PAPPA: variants seen among roughly 807,000 people sequenced by gnomAD.
PAPPA encodes pappalysin 1, also known as pappalysin-1.
Under a neutral mutation model 164.0 loss-of-function variants are expected in PAPPA, and 60 were observed. The observed-to-expected ratio is 0.37, with a 90% CI of 0.30 to 0.45. PAPPA has a LOEUF of 0.45. Among genes scored for constraint, PAPPA ranks in the 20% least tolerant of loss-of-function variants. The pLI is 1.00. For synonymous variants in PAPPA, 875 were observed against 814.1 expected, an observed-to-expected ratio of 1.07 and a Z score of -1.27; for missense variants, 1,782 against 2,087.3, an observed-to-expected ratio of 0.85 and a Z score of 2.85.
chr9:116,391,462 C>T (rs1846892516), intron 21 of PAPPA, among the ~76,000 whole-genome samples: 1 of 152,208 alleles, frequency 6.6e-6, no homozygotes. Context: ...AACCGGCACC[C>T]CCACCATGCT....
At chr9:116,274,378 G>A (rs568026979) in intron 9 of PAPPA, among the ~76,000 whole-genome samples, 2 of 152,270 alleles carry the variant, frequency 1.3e-5, no homozygotes, top group South Asian at 2.1e-4. Context: ...AGGACAAATC[G>A]TGTAGCTGAA....
chr9:116,191,482 G>C (rs1456199057), intron 2 of PAPPA, among the ~76,000 whole-genome samples: 1 of 152,122 alleles, frequency 6.6e-6, no homozygotes, highest in Non-Finnish European at 1.5e-5. Flanking sequence ...CATTTATTGG[G>C]CATGTCTATC....
chr9:116,158,859 C>T (rs1843632196), intron 1 of PAPPA, among the ~76,000 whole-genome samples: 1 of 152,190 alleles, frequency 6.6e-6, no homozygotes, highest in Non-Finnish European at 1.5e-5. Flanking sequence ...GTTGAAATGA[C>T]TTGGTCTAAA....
At chr9:116,364,436 CA>C (rs1846472502) in intron 18 of PAPPA, among the ~76,000 whole-genome samples, 1 of 152,132 alleles carries the variant, frequency 6.6e-6, no homozygotes, top group African/African-American at 2.4e-5. Flanking sequence ...CAAACAGCCC[CA>C]AACACACACA....
At position 116,172,696 on chromosome 9, in the gene PAPPA, G is replaced by A. The variant is rs144553326; in HGVS notation, c.416-14458G>A. Among the ~76,000 whole-genome samples the A allele has an allele frequency of 2.0e-5, 3 of 152,250 alleles. No homozygotes were observed. The East Asian group carries it at 5.8e-4, about 29-fold the overall frequency. Reference sequence around the variant, plus strand: ...GGCCTCCTCCTCATCAATCTTCTCTGTTTCATAGTCTTTCAGTTCCTCAGC... The same window carrying A: ...GGCCTCCTCCTCATCAATCTTCTCTATTTCATAGTCTTTCAGTTCCTCAGC... On this transcript the variant is annotated intron_variant, in intron 1 of 21. Transcript: ENST00000328252.
intron 1 of PAPPA, among the ~76,000 whole-genome samples, chr9:116,166,329 G>A (rs1003707434): frequency 2.6e-5 from 4 of 152,186 alleles, no homozygotes; most frequent in African/African-American, 7.2e-5. Flanking sequence ...CCCTGTGCCT[G>A]TTTGCAAAGC....
At chr9:116,260,124 C>T (rs17175194) in intron 7 of PAPPA, among the ~76,000 whole-genome samples, 25,344 of 151,986 alleles carry the variant, frequency 0.17, 2,333 homozygotes, top group Middle Eastern at 0.3. Context: ...AAACAATACA[C>T]TGTGCAAAAA....
At chr9:116,241,899 T>C (rs1385550241) in intron 7 of PAPPA, among the ~76,000 whole-genome samples, 1 of 152,180 alleles carries the variant, frequency 6.6e-6, no homozygotes, top group African/African-American at 2.4e-5. Context: ...TCATTTCTTT[T>C]TATAGCTCTT....
intron 19 of PAPPA, among the ~76,000 whole-genome samples, chr9:116,370,998 G>A (rs1846565257): frequency 6.6e-6 from 1 of 152,140 alleles, no homozygotes; most frequent in Non-Finnish European, 1.5e-5. Context: ...ACTTCTCTAG[G>A]CCACAGTTTA....
rs117581738 is a variant in PAPPA, at chr9:116,343,453, A to C, written c.3612-1090A>C. 2.6e-4 allele frequency among the ~76,000 whole-genome samples: 39 copies of C among 152,346 alleles called. No individual in the cohort carries two copies. The East Asian group carries it at 6.6e-3, about 26-fold the overall frequency. ...GGACACAAGAGAAAGCTTCCTATGG[A>C]AATTTGCATGATGCTTAGACCTAAA... is the stretch of plus-strand genomic sequence containing the variant. On this transcript the variant is annotated intron_variant, in intron 13 of 21. Transcript: ENST00000328252.
At chr9:116,181,274 G>A (rs1210794776) in intron 1 of PAPPA, among the ~76,000 whole-genome samples, 1 of 152,146 alleles carries the variant, frequency 6.6e-6, no homozygotes, top group Non-Finnish European at 1.5e-5. Flanking sequence ...AAATTCTGGA[G>A]ATCAAAAGTC....
intron 9 of PAPPA, among the ~76,000 whole-genome samples, chr9:116,281,420 C>G (rs1029132431): frequency 2.0e-5 from 3 of 152,130 alleles, no homozygotes; most frequent in African/African-American, 7.2e-5. Flanking sequence ...GTGTCCCTTA[C>G]CCTTAAGGGA....
chr9:116,183,929 C>A (rs1054597179), intron 1 of PAPPA, among the ~76,000 whole-genome samples: 4 of 152,150 alleles, frequency 2.6e-5, no homozygotes, highest in Admixed American at 1.3e-4. Flanking sequence ...GATGTGTAAA[C>A]ATTTTACCTT....
At chr9:116,259,658 A>T (rs1004379598) in intron 7 of PAPPA, among the ~76,000 whole-genome samples, 2 of 152,212 alleles carry the variant, frequency 1.3e-5, no homozygotes, top group Non-Finnish European at 2.9e-5. Context: ...TCAAGTGCTG[A>T]CAAGGACCAG....
chr9:116,203,913 GT>G (rs1277530366), intron 2 of PAPPA, among the ~76,000 whole-genome samples: 1 of 152,186 alleles, frequency 6.6e-6, no homozygotes, highest in Non-Finnish European at 1.5e-5. Flanking sequence ...AAAACTAGAG[GT>G]TCTCAGAATA....
At position 116,249,592 on chromosome 9, in the gene PAPPA, G is replaced by A. The variant is rs377202623; in HGVS notation, c.2732+13955G>A. On this transcript the variant is annotated intron_variant, in intron 7 of 21. Transcript: ENST00000328252. ...GGAGGCATAGATCAAAATGGTAAAC[G>A]AGGAAAAGCAATGTTGCCAAAACTG... Among the ~76,000 whole-genome samples, 216 of 152,256 alleles carry A rather than the reference G, an allele frequency of 1.4e-3. 3 individuals carry two copies. The South Asian group carries it at 0.039, about 27-fold the overall frequency.
intron 7 of PAPPA, among the ~76,000 whole-genome samples, chr9:116,255,627 C>T (rs1461891014): frequency 6.6e-6 from 1 of 151,898 alleles, no homozygotes; most frequent in South Asian, 2.1e-4. Flanking sequence ...GGAGAGCCAT[C>T]AGTTTTGGCA....
chr9:116,399,979 G>T lies in PAPPA; in HGVS notation c.*3363G>T, dbSNP rs1847025347. 6.6e-6 allele frequency: 1 copy of T among 152,480 alleles called. No homozygotes were observed. The allele number at this position is 152,480 out of a possible 1,614,324, so 9.4% of individuals were successfully genotyped here. On this transcript the variant is annotated 3_prime_UTR_variant, in exon 22 of 22. Coordinates refer to ENST00000328252, the MANE Select transcript of PAPPA (RefSeq NM_002581.5). ...TCCCTTCCAGGTTCGATTTAACTTG[G>T]TTGTAATTGTCAATTTGTTGTTATA...
At chr9:116,288,432 T>TCC (rs1564211645) in intron 9 of PAPPA, among the ~76,000 whole-genome samples, 1 of 41,084 alleles carries the variant, frequency 2.4e-5, no homozygotes, top group Non-Finnish European at 5.2e-5. Flanking sequence ...CCTCCCTCCC[T>TCC]CCCTCCCTCC....
Sources: gnomAD v4.1 joint callset for allele counts (sites outside exome capture counted in the v4.1 genomes callset) on GRCh38, gnomAD v4.1.1 for gene constraint, MANE v1.5 for transcripts, NCBI Gene and HGNC (gene_info 2026-07-23, HGNC 2026-07-21) for gene names.